Variants in SMARCA4 observed in about 807,000 individuals in gnomAD.
SMARCA4 encodes SWI/SNF-related matrix-associated actin-dependent regulator of chromatin subfamily A member 4.
A neutral mutation model predicts 193.9 loss-of-function variants in SMARCA4; 31 were observed. The observed-to-expected ratio is 0.16, with a 90% CI of 0.12 to 0.22. The LOEUF (loss-of-function observed/expected upper bound fraction) is 0.22, where lower values mean the gene tolerates loss of function less well. Ranked by LOEUF, SMARCA4 falls within the 10% of genes least tolerant of loss-of-function variation. The pLI is 1.00. For missense variants in SMARCA4, 1,148 were observed against 2,296.0 expected, an observed-to-expected ratio of 0.50 and a Z score of 10.22; for synonymous variants, 942 against 933.1, an observed-to-expected ratio of 1.01 and a Z score of -0.17.
chr19:11,014,214 C>T (rs1033593069), intron 16 of SMARCA4, among the ~76,000 whole-genome samples: 7 of 152,266 alleles, frequency 4.6e-5, no homozygotes, highest in Admixed American at 1.3e-4. Context: ...GGCTGGGGAG[C>T]GGCATGCCCA....
chr19:11,002,155 A>G lies in SMARCA4; in HGVS notation c.1813-874A>G, dbSNP rs1369937182. Reference sequence around the variant, plus strand: ...ATACCAGTGGAAAACTGTGAAGAGAAAAACTTAGGCTGGAGCACAGAAGAA... The same window carrying G: ...ATACCAGTGGAAAACTGTGAAGAGAGAAACTTAGGCTGGAGCACAGAAGAA... On this transcript the variant is annotated intron_variant, in intron 11 of 34. Transcript: ENST00000344626. Among the ~76,000 whole-genome samples the G allele has an allele frequency of 2.0e-5, 3 of 152,212 alleles. No homozygotes were observed. In the East Asian group the frequency reaches 5.8e-4, roughly 29 times the overall value.
chr19:10,996,015 G>A (rs1251999108), intron 9 of SMARCA4, 198 bp from the exon 10 acceptor site: 1 of 671,110 alleles, frequency 1.5e-6, no homozygotes, highest in Non-Finnish European at 2.7e-6. Context: ...CCTAGCGGGT[G>A]CCCTTGGAAC....
chr19:11,059,108 T>TA, intron 32 of SMARCA4: 14 of 510,214 alleles, frequency 2.7e-5, no homozygotes, highest in South Asian at 8.5e-5. Flanking sequence ...GACCCTGTCT[T>TA]TAAAAAAAAA....
At chr19:11,022,470 G>A (rs1304334941) in intron 19 of SMARCA4, among the ~76,000 whole-genome samples, 6 of 152,246 alleles carry the variant, frequency 3.9e-5, no homozygotes, top group African/African-American at 1.4e-4. Context: ...CAGCCAGACT[G>A]TGGCATGGCA....
rs750792793 is a variant in SMARCA4 at position 11,027,892 on chromosome 19, C to T, written c.3324C>T (p.Leu1108=). 1 of 1,614,184 alleles carries T rather than the reference C, an allele frequency of 6.2e-7. No homozygotes were observed. Among genetic ancestry groups the T allele is most frequent in the Non-Finnish European group, 8.5e-7 (1 of 1,180,036 alleles). ...KVLLFCQMTS[L]MTIMEDYFAY... is the part of the protein sequence containing the mutation. ...TGCTGTTCTGCCAAATGACCTCCCT[C>T]ATGACCATCATGGAAGATTACTTTG... Residue 1108 remains leucine (L), a synonymous_variant, in exon 24 of 35, where the codon CTC becomes CTT. Coordinates refer to ENST00000344626, the MANE Select transcript of SMARCA4 (RefSeq NM_003072.5).
At chr19:10,983,487 T>C (rs1426498513) in intron 1 of SMARCA4, 3 of 148,284 alleles carry the variant, frequency 2.0e-5, no homozygotes, top group African/African-American at 5.0e-5. Flanking sequence ...CAGGCAGGAG[T>C]GCAGTGGTGC....
chr19:11,030,604 G>A lies in SMARCA4; in HGVS notation c.3383-126G>A, dbSNP rs1416513973. ...CACAGGCCCGTGTGGAGAGTGCGGA[G>A]CCAGGGATCTGGGGATGCTGGCAGG... On this transcript the variant is annotated intron_variant, in intron 24 of 34. Coordinates refer to ENST00000344626, the MANE Select transcript of SMARCA4 (RefSeq NM_003072.5). This position sits in a 1 kb window ranked among gnomAD's most constrained non-coding sequence, Gnocchi z 5.5. The A allele has an allele frequency of 2.3e-6, 2 of 861,706 alleles. No homozygotes were observed. Among genetic ancestry groups the A allele is most frequent in the Non-Finnish European group, 3.7e-6 (2 of 533,836 alleles). 53.4% of individuals were successfully genotyped at this position (861,706 alleles called of 1,614,324 possible).
chr19:10,966,675 C>T (rs1369602654), intron 1 of SMARCA4, among the ~76,000 whole-genome samples: 1 of 150,108 alleles, frequency 6.7e-6, no homozygotes, highest in African/African-American at 2.5e-5. Context: ...CGCCTGAGCT[C>T]AGGAGTTCAA....
chr19:11,012,610 G>A (rs866677395), intron 15 of SMARCA4: 63 of 376,380 alleles, frequency 1.7e-4, no homozygotes, highest in South Asian at 9.2e-4. Flanking sequence ...CAAGTGTCCC[G>A]TGGTGTGGGC....
intron 30 of SMARCA4, among the ~76,000 whole-genome samples, chr19:11,044,803 G>C (rs2075807557): frequency 6.6e-6 from 1 of 152,138 alleles, no homozygotes; most frequent in South Asian, 2.1e-4. Flanking sequence ...TGCAGCCCTC[G>C]TTCTACCCAG....
chr19:11,021,329 C>A, intron 18 of SMARCA4: 1 of 361,642 alleles, frequency 2.8e-6, no homozygotes, highest in Non-Finnish European at 5.5e-6. Context: ...CCGTCACCAA[C>A]CCAGTTCCCC....
chr19:11,035,204 C>T (rs1050482323), intron 29 of SMARCA4, 72 bp downstream of exon 29: 41 of 1,401,160 alleles, frequency 2.9e-5, no homozygotes, highest in Middle Eastern at 2.3e-4. Context: ...AAGGGCCCAC[C>T]GCCAGGACTC....
At chr19:10,995,123 A>T (rs752703549) in intron 9 of SMARCA4, 122 bp downstream of exon 9, 1 of 924,756 alleles carries the variant, frequency 1.1e-6, no homozygotes, top group South Asian at 1.4e-5. Context: ...GGTGGGACAG[A>T]GGGAAAAGAG....
At chr19:10,996,897 GTC>G (rs1449501101) in intron 11 of SMARCA4, among the ~76,000 whole-genome samples, 1 of 152,130 alleles carries the variant, frequency 6.6e-6, no homozygotes, top group South Asian at 2.1e-4. Flanking sequence ...TTGAGACAGG[GTC>G]TCTCTGTCAC....
At chr19:11,007,719 AT>A (rs897720048) in intron 13 of SMARCA4, among the ~76,000 whole-genome samples, 182 bp from the exon 14 acceptor site, 10 of 152,202 alleles carry the variant, frequency 6.6e-5, no homozygotes, top group African/African-American at 9.7e-5. Context: ...ATTAAAAAAA[AT>A]AATAATAAAT....
At position 11,019,122 on chromosome 19, in the gene SMARCA4, G is replaced by T. The variant is rs892608141; in HGVS notation, c.2505+99G>T. The T allele has an allele frequency of 3.0e-5, 28 of 931,510 alleles. No homozygotes were observed. The highest frequency in any genetic ancestry group is 4.4e-5 in the Non-Finnish European group (25 of 563,208). 57.7% of individuals were successfully genotyped at this position (931,510 alleles called of 1,614,324 possible). ...ACCTCTGGACAGTGAACCTGAGAATGCTGGGTCTCCAGTCGCATGGAGTCT... is the reference window on the plus strand; with the variant it reads ...ACCTCTGGACAGTGAACCTGAGAATTCTGGGTCTCCAGTCGCATGGAGTCT... On this transcript the variant is annotated intron_variant, in intron 17 of 34. Coordinates refer to ENST00000344626, the MANE Select transcript of SMARCA4 (RefSeq NM_003072.5). This position sits in a 1 kb window ranked among gnomAD's most constrained non-coding sequence, Gnocchi z 6.1.
At chr19:11,018,759 T>C (rs892660850) in intron 16 of SMARCA4, 198 bp from the exon 17 acceptor site, 2 of 687,674 alleles carry the variant, frequency 2.9e-6, no homozygotes, top group Non-Finnish European at 5.4e-6. Flanking sequence ...CCTTCTGTCC[T>C]CTGAGGCAGA....
At chr19:10,972,738 T>G (rs1408803073) in intron 1 of SMARCA4, among the ~76,000 whole-genome samples, 1 of 152,140 alleles carries the variant, frequency 6.6e-6, no homozygotes, top group Non-Finnish European at 1.5e-5. Flanking sequence ...TCACGCTCAG[T>G]GTTGCGTATA....
intron 13 of SMARCA4, 78 bp downstream of exon 13, chr19:11,003,475 TC>T: frequency 7.4e-7 from 1 of 1,351,748 alleles, no homozygotes; most frequent in Non-Finnish European, 1.1e-6. Flanking sequence ...TGTGACCGTC[TC>T]CTGCCCTGGC....
Sources: allele counts gnomAD v4.1 joint callset (sites outside exome capture counted in the v4.1 genomes callset), GRCh38; gene constraint gnomAD v4.1.1; non-coding constraint Gnocchi (gnomAD v3.1); transcripts MANE v1.5; gene names NCBI Gene and HGNC (gene_info 2026-07-23, HGNC 2026-07-21).